ATAD2: variants seen among roughly 807,000 people sequenced by gnomAD.
The protein encoded by ATAD2 is ATPase family AAA domain-containing protein 2.
In ATAD2, 62 loss-of-function variants were observed where a neutral mutation model predicts 168.9. The observed-to-expected ratio is 0.37, with a 90% confidence interval of 0.30 to 0.45. The LOEUF is 0.45. ATAD2 is among the 20% of genes least tolerant of loss of function. The pLI, the probability that ATAD2 is intolerant of heterozygous loss-of-function variation, is 1.00. For synonymous variants in ATAD2, 613 were observed against 571.6 expected (o/e 1.07, Z -1.03); for missense variants, 1,419 against 1,667.8 (o/e 0.85, Z 2.60).
At chr8:123,396,595 GA>G (rs1489803187), upstream of ATAD2, 12 of 541,446 alleles carry the variant, frequency 2.2e-5, no homozygotes, top group Non-Finnish European at 3.9e-5. Context: ...ACGTGGAGAG[GA>G]ACACAGGCCG....
Position 123,396,434 on chromosome 8 carries a change from G to T in ATAD2, c.-77C>A. 1 of 1,392,980 alleles carries T rather than the reference G, an allele frequency of 7.2e-7. No individual in the cohort carries two copies. Among genetic ancestry groups the T allele is most frequent in the Non-Finnish European group, 9.4e-7 (1 of 1,066,482 alleles). The allele number at this position is 1,392,980 out of a possible 1,614,324, so 86.3% of individuals were successfully genotyped here. A position where few individuals can be genotyped will look rare whatever the true frequency, so the allele number is the denominator to read the frequency against. ...AGGCGCTCGCAGCTCTGGCTCTTCC[G>T]CGCTCCGAATTCTGGCGCCACAAGC... On this transcript the variant is annotated 5_prime_UTR_variant, in exon 1 of 28. Coordinates refer to ENST00000287394, the MANE Select transcript of ATAD2 (RefSeq NM_014109.4).
Position 123,402,113 on chromosome 8 carries a change from C to A in ATAD2, c.-2281-938G>T. The A allele has an allele frequency of 1.0e-6, 1 of 960,994 alleles. No homozygotes were observed. The highest frequency in any genetic ancestry group is 1.7e-6 in the Non-Finnish European group (1 of 603,694). 59.5% of individuals were successfully genotyped at this position (960,994 alleles called of 1,614,324 possible). A position where few individuals can be genotyped will look rare whatever the true frequency, so the allele number is the denominator to read the frequency against. Reference sequence around the variant, plus strand: ...TTAGGAGAAGCGGCTGTACTGACAGCAGTGGAGGCCGAGGTGGTGGAGGGG... The same window carrying A: ...TTAGGAGAAGCGGCTGTACTGACAGAAGTGGAGGCCGAGGTGGTGGAGGGG... On this transcript the variant is annotated intron_variant, in intron 1 of 28. Transcript: ENST00000521903. This position sits in a 1 kb window ranked among gnomAD's most constrained non-coding sequence, Gnocchi z 4.8.
chr8:123,346,664 A>G lies in ATAD2; in HGVS notation c.2299T>C (p.Ser767Pro), dbSNP rs1399211899. 1 of 1,586,490 alleles carries G rather than the reference A, an allele frequency of 6.3e-7. No individual in the cohort carries two copies. Among genetic ancestry groups the G allele is most frequent in the African/African-American group, 1.4e-5 (1 of 74,066 alleles). Residue 767 changes from serine (S) to proline (P), a missense_variant, in exon 17 of 28, where the codon TCT becomes CCT. Ser to Pro is a moderately conservative substitution (Grantham distance 74). Around this residue, in one of 5 missense-constraint regions of ATAD2, gnomAD observed 545 missense variants for 724.9 expected, o/e 0.75. Transcript: ENST00000287394. The part of the protein sequence containing the change: ...SVYENGLSQK[S>P]SHKAKDNFNF... ...AAATTGTCTTTTGCCTTATGAGAAG[A>G]TTTCTGAGAAAGTCCATTTTCATAA...
chr8:123,365,013 C>A (rs922284422), intron 8 of ATAD2, among the ~76,000 whole-genome samples: 1 of 151,596 alleles, frequency 6.6e-6, no homozygotes, highest in Non-Finnish European at 1.5e-5. Flanking sequence ...TATGATTGTG[C>A]ACCTAGAAAA....
chr8:123,380,573 AT>A lies in ATAD2; in HGVS notation c.275del (p.Asn92MetfsTer4). 6.2e-7 allele frequency: 1 copy of A among 1,614,066 alleles called. No homozygotes were observed. Among genetic ancestry groups the A allele is most frequent in the South Asian group, 1.1e-5 (1 of 91,084 alleles). On this transcript the variant is annotated frameshift_variant, in exon 2 of 28. Coordinates refer to ENST00000287394, the MANE Select transcript of ATAD2 (RefSeq NM_014109.4). LOFTEE classifies it high-confidence loss of function. ...TAGCAAGTTGCTCCGTTATTTCCAC[AT>A]TCTTCTCAAAACTAGAATCTGAAGA... The part of the protein sequence containing the change: ...QNSSDSSFEK[N>X]VEITEQLANG...
intron 1 of ATAD2, among the ~76,000 whole-genome samples, chr8:123,395,512 A>C (rs1326253686): frequency 6.6e-6 from 1 of 151,772 alleles, no homozygotes; most frequent in Admixed American, 6.6e-5. Flanking sequence ...TCTGAGTTCC[A>C]ATTTTAGATC....
chr8:123,375,604 A>G (rs1829285979), intron 2 of ATAD2, among the ~76,000 whole-genome samples: 1 of 152,210 alleles, frequency 6.6e-6, no homozygotes, highest in Non-Finnish European at 1.5e-5. Context: ...AAAGTAGACA[A>G]TCCAAATGCT....
At position 123,328,480 on chromosome 8, in the gene ATAD2, G is replaced by C; in HGVS notation, c.3578C>G (p.Ala1193Gly). ...ISQAKDDSQN[A>G]IDHKIESDTE... ...ATCACTCTCAATTTTGTGATCTATG[G>C]CATTCTGGCTATCATCCTTTGCCTG... Residue 1193 changes from alanine (A) to glycine (G), a missense_variant, in exon 25 of 28, where the codon GCC (alanine) becomes GGC (glycine). By Grantham distance (60) the Ala-to-Gly change is moderately conservative. Transcript: ENST00000287394. 1 of 1,607,508 alleles carries C rather than the reference G, an allele frequency of 6.2e-7. No homozygotes were observed. The highest frequency in any genetic ancestry group is 2.2e-5 in the East Asian group (1 of 44,602).
chr8:123,348,983 G>A (rs143269276), intron 14 of ATAD2, among the ~76,000 whole-genome samples: 82 of 152,200 alleles, frequency 5.4e-4, no homozygotes, highest in African/African-American at 1.7e-3. Flanking sequence ...TGATATTCAT[G>A]AAAAAGACAA....
intron 18 of ATAD2, 88 bp from the exon 19 acceptor site, chr8:123,345,157 C>T: frequency 1.6e-6 from 2 of 1,235,294 alleles, no homozygotes; most frequent in Non-Finnish European, 2.2e-6. Flanking sequence ...TTTAACCTCC[C>T]AGGAGTAACA....
Position 123,320,309 on chromosome 8 carries a change from T to C in ATAD2, c.*825A>G, listed in dbSNP as rs1827431619. The stretch of plus-strand genomic sequence containing the variant: ...TTAACCTTAAGAAATGTATTTTTGG[T>C]ACCATTAATATAAAATTATAATATT... On this transcript the variant is annotated 3_prime_UTR_variant, in exon 28 of 28. Coordinates refer to ENST00000287394, the MANE Select transcript of ATAD2 (RefSeq NM_014109.4). The C allele has an allele frequency of 6.6e-6, 1 of 151,632 alleles. No individual in the cohort carries two copies. The highest frequency in any genetic ancestry group is 2.1e-4 in the South Asian group (1 of 4,836). The allele number at this position is 151,632 out of a possible 1,614,324, so 9.4% of individuals were successfully genotyped here.
intron 3 of ATAD2, 68 bp downstream of exon 3, chr8:123,372,569 T>A: frequency 7.9e-7 from 1 of 1,260,608 alleles, no homozygotes; most frequent in Non-Finnish European, 1.1e-6. Flanking sequence ...TGTAGGTACC[T>A]CAAAAAACCT....
chr8:123,346,842 A>AT, intron 16 of ATAD2, 92 bp from the exon 17 acceptor site: 1 of 1,339,232 alleles, frequency 7.5e-7, no homozygotes, highest in Non-Finnish European at 1.0e-6. Context: ...CTTCAATTAA[A>AT]TTTTTTCAAA....
exon 1 of ATAD2, chr8:123,416,347 A>G (rs1320327488): frequency 6.5e-6 from 1 of 154,940 alleles, no homozygotes; most frequent in Non-Finnish European, 1.4e-5. Context: ...CCAAGCCCAA[A>G]CCTAGCTCCT....
chr8:123,415,069 C>T (rs1280351561), intron 1 of ATAD2, among the ~76,000 whole-genome samples: 1 of 152,140 alleles, frequency 6.6e-6, no homozygotes. Flanking sequence ...AGATTTAGAA[C>T]TCCTTTTAGC....
Position 123,396,300 on chromosome 8 carries a change from C to T in ATAD2, c.58G>A (p.Gly20Ser). ...AAGTCACTGGACAGGTCCAAGGAGC[C>T]CGTGGCCGAGGCCGCGGAGTGGTTG... ...LHNHSAASAT[G>S]SLDLSSDFLS... The change falls in exon 1 of 28, where the codon GGC becomes AGC. Residue 20 changes from glycine to serine, a missense_variant. By Grantham distance (56) the Gly-to-Ser change is moderately conservative (BLOSUM62 0). This residue lies in a region of ATAD2 where 419 missense variants were observed against 423.5 expected (regional missense o/e 0.99). Transcript: ENST00000287394. The T allele has an allele frequency of 2.5e-6, 4 of 1,610,592 alleles. No individual in the cohort carries two copies. Among genetic ancestry groups the T allele is most frequent in the Non-Finnish European group, 3.4e-6 (4 of 1,179,012 alleles).
At chr8:123,395,627 G>A (rs1166791274) in intron 1 of ATAD2, among the ~76,000 whole-genome samples, 1 of 152,152 alleles carries the variant, frequency 6.6e-6, no homozygotes, top group Non-Finnish European at 1.5e-5. Context: ...AGCGGGGGGC[G>A]TACATGAAAT....
chr8:123,362,208 G>C (rs1214282250), intron 8 of ATAD2, among the ~76,000 whole-genome samples: 2 of 150,230 alleles, frequency 1.3e-5, no homozygotes, highest in Non-Finnish European at 2.9e-5. Context: ...TGAGAGATTT[G>C]CTTGAGCCTG....
intron 1 of ATAD2, among the ~76,000 whole-genome samples, chr8:123,408,844 T>TG (rs903841018): frequency 5.3e-5 from 8 of 151,640 alleles, no homozygotes; most frequent in Admixed American, 6.6e-5. Flanking sequence ...TTTTTTTTTT[T>TG]TGAGACGGAG....
Sources: gnomAD v4.1 joint callset for allele counts (sites outside exome capture counted in the v4.1 genomes callset) on GRCh38, gnomAD v4.1.1 for gene constraint, gnomAD v4.1.1 regional missense constraint, Gnocchi (gnomAD v3.1) non-coding constraint, MANE v1.5 for transcripts, NCBI Gene and HGNC (gene_info 2026-07-23, HGNC 2026-07-21) for gene names.